GRAMD1B: variants seen among roughly 807,000 people sequenced by gnomAD.
GRAMD1B encodes the protein GRAM domain containing 1B.
A neutral mutation model predicts 99.7 loss-of-function variants in GRAMD1B; 37 were observed. The observed-to-expected ratio is 0.37, with a 90% CI of 0.29 to 0.49. The LOEUF is 0.49. Among genes scored for constraint, GRAMD1B ranks in the 20% least tolerant of loss-of-function variants. The pLI is 0.98. For missense variants in GRAMD1B, 888 were observed against 1,009.2 expected (o/e 0.88, Z 1.63); for synonymous variants, 427 against 387.6 (o/e 1.10, Z -1.19).
chr11:123,581,208 C>G (rs1223514475), intron 3 of GRAMD1B, among the ~76,000 whole-genome samples: 1 of 152,198 alleles, frequency 6.6e-6, no homozygotes, highest in South Asian at 2.1e-4. Flanking sequence ...CGAGCATGTC[C>G]CCAACAGCTG....
intron 1 of GRAMD1B, among the ~76,000 whole-genome samples, chr11:123,441,476 C>T (rs1949403468): frequency 6.6e-6 from 1 of 152,060 alleles, no homozygotes; most frequent in African/African-American, 2.4e-5. Flanking sequence ...CCTATCTCTA[C>T]AACAAATTTA....
At chr11:123,615,836 C>T (rs1187485549) in intron 17 of GRAMD1B, among the ~76,000 whole-genome samples, 2 of 152,172 alleles carry the variant, frequency 1.3e-5, no homozygotes, top group Non-Finnish European at 2.9e-5. Context: ...TGAATGAAAG[C>T]ATCCATAGAG....
chr11:123,479,538 G>A (rs1951475906), intron 1 of GRAMD1B, among the ~76,000 whole-genome samples: 1 of 152,176 alleles, frequency 6.6e-6, no homozygotes, highest in Non-Finnish European at 1.5e-5. Flanking sequence ...TATGGTAATA[G>A]GGATTTATTA....
intron 2 of GRAMD1B, among the ~76,000 whole-genome samples, chr11:123,501,320 G>A (rs1479963796): frequency 6.6e-6 from 1 of 151,970 alleles, no homozygotes; most frequent in African/African-American, 2.4e-5. Context: ...ACAGGCACGT[G>A]CCACCATGCC....
intron 1 of GRAMD1B, among the ~76,000 whole-genome samples, chr11:123,387,598 C>G (rs1334327117): frequency 6.6e-6 from 1 of 152,104 alleles, no homozygotes; most frequent in Non-Finnish European, 1.5e-5. Flanking sequence ...TATGGATCCA[C>G]AAAGCCAACA....
chr11:123,483,627 C>A (rs1048858677), intron 2 of GRAMD1B, among the ~76,000 whole-genome samples: 1 of 152,048 alleles, frequency 6.6e-6, no homozygotes, highest in Non-Finnish European at 1.5e-5. Flanking sequence ...GGTCAAGTGA[C>A]CCGCCTGCTT....
chr11:123,582,813 A>G (rs138890090), intron 3 of GRAMD1B, among the ~76,000 whole-genome samples: 1,686 of 152,284 alleles, frequency 0.011, 13 homozygotes, highest in Middle Eastern at 0.041. Flanking sequence ...CAGACATTCG[A>G]GGACCATGGC....
chr11:123,360,601 A>T (rs1946106717), intron 1 of GRAMD1B, among the ~76,000 whole-genome samples: 2 of 152,134 alleles, frequency 1.3e-5, no homozygotes, highest in South Asian at 4.1e-4. Flanking sequence ...GTTGGAAGGA[A>T]ACCATTATGA....
At chr11:123,429,997 C>G (rs1218015004), upstream of GRAMD1B, among the ~76,000 whole-genome samples, 2 of 152,126 alleles carry the variant, frequency 1.3e-5, no homozygotes, top group Non-Finnish European at 2.9e-5. This position sits in a 1 kb window ranked among gnomAD's most constrained non-coding sequence, Gnocchi z 4.0. Flanking sequence ...TCTGCACCCC[C>G]CACCCCCAAG....
chr11:123,603,954 T>G (rs1952350258), intron 9 of GRAMD1B, among the ~76,000 whole-genome samples: 1 of 152,226 alleles, frequency 6.6e-6, no homozygotes, highest in South Asian at 2.1e-4. Flanking sequence ...GTTTAGTTCC[T>G]GAATAGATTT....
rs1024525756 is a variant in GRAMD1B, at chr11:123,608,793, C to T, written c.1648C>T (p.Arg550Cys). The change falls in exon 12 of 20, where the codon CGC becomes TGC. Residue 550 changes from arginine (R) to cysteine (C), a missense_variant. Transcript: ENST00000635736. ...CCAGCGGGATTTCATGGAGCAGCGG[C>T]GCTTCTCTGGTCCGTTCTGCTGGGA... The part of the protein sequence containing the change: ...PFQRDFMEQR[R>C]FSDIIFHPWK... 41 of 1,546,964 alleles carry T rather than the reference C, an allele frequency of 2.7e-5. No individual in the cohort carries two copies. Among genetic ancestry groups the T allele is most frequent in the Non-Finnish European group, 3.4e-5 (39 of 1,143,998 alleles).
rs547347002 is a variant in GRAMD1B at position 123,391,751 on chromosome 11, C to T, written c.-176+32952C>T. ...GATTACAGGTGTGAGCCACCACACC[C>T]GGCCAATTTTACTTAATTCTTTCAC... On this transcript the variant is annotated intron_variant, in intron 1 of 20. Coordinates refer to the GRAMD1B transcript ENST00000638157. Among the ~76,000 whole-genome samples, 30 of 152,320 alleles carry T rather than the reference C, an allele frequency of 2.0e-4. No homozygotes were observed. The East Asian group carries it at 3.9e-3, about 20-fold the overall frequency.
chr11:123,446,879 G>C (rs1229153003), intron 1 of GRAMD1B, among the ~76,000 whole-genome samples: 2 of 151,718 alleles, frequency 1.3e-5, no homozygotes, highest in African/African-American at 2.4e-5. Flanking sequence ...AGACCAGCCT[G>C]GGTGACAGAG....
At chr11:123,530,223 A>G (rs1943212537) in intron 2 of GRAMD1B, among the ~76,000 whole-genome samples, 4 of 147,862 alleles carry the variant, frequency 2.7e-5, no homozygotes, top group Non-Finnish European at 1.5e-5. Context: ...CTACTTCTCC[A>G]TATTTCATGA....
intron 1 of GRAMD1B, among the ~76,000 whole-genome samples, chr11:123,448,317 A>T (rs1201635952): frequency 6.6e-6 from 1 of 151,840 alleles, no homozygotes; most frequent in African/African-American, 2.4e-5. Context: ...CAGTGGCCCA[A>T]TCTCGGCTCA....
intron 2 of GRAMD1B, among the ~76,000 whole-genome samples, chr11:123,568,894 G>A (rs890722703): frequency 3.9e-5 from 6 of 152,196 alleles, no homozygotes; most frequent in South Asian, 2.1e-4. Context: ...AGATGCCAGC[G>A]ATAGGCACAC....
Position 123,605,334 on chromosome 11 carries a change from G to A in GRAMD1B, c.1179G>A (p.Glu393=). ...TGTCTCCTCTCAGATACTGTGAAGA[G>A]ATCCCTGTGGAAGAGAATGAAGTGA... ...DDFNTMGYCE[E]IPVEENEVND... The change falls in exon 10 of 20, where the codon GAG becomes GAA. Residue 393 remains glutamate (E), a synonymous_variant. Transcript: ENST00000635736. 6.2e-7 allele frequency: 1 copy of A among 1,610,340 alleles called. No homozygotes were observed. The highest frequency in any genetic ancestry group is 8.5e-7 in the Non-Finnish European group (1 of 1,177,774).
At chr11:123,613,826 C>T (rs1953949512) in intron 16 of GRAMD1B, among the ~76,000 whole-genome samples, 168 bp downstream of exon 16, 1 of 152,226 alleles carries the variant, frequency 6.6e-6, no homozygotes, top group South Asian at 2.1e-4. Flanking sequence ...TTTCTCTTTG[C>T]TCTTTAAGTT....
intron 1 of GRAMD1B, among the ~76,000 whole-genome samples, chr11:123,444,470 C>T (rs1949547944): frequency 6.6e-6 from 1 of 151,252 alleles, no homozygotes; most frequent in Non-Finnish European, 1.5e-5. Context: ...CTAGCTTGGG[C>T]CTCAAAAAAA....
Sources: allele counts gnomAD v4.1 joint callset (sites outside exome capture counted in the v4.1 genomes callset), GRCh38; gene constraint gnomAD v4.1.1; non-coding constraint Gnocchi (gnomAD v3.1); transcripts MANE v1.5; gene names NCBI Gene and HGNC (gene_info 2026-07-23, HGNC 2026-07-21).